The following ZNF638 variants were observed in gnomAD, a reference collection of about 807,000 sequenced individuals.
ZNF638 encodes CTCL tumor antigen se33-1.
A neutral mutation model predicts 195.6 loss-of-function variants in ZNF638; 46 were observed. That is an observed-to-expected ratio of 0.24 (90% CI 0.19 to 0.30). ZNF638 has a LOEUF of 0.30. ZNF638 is among the 10% of genes least tolerant of loss of function. The probability of loss-of-function intolerance (pLI) is 1.00; values close to 1 mark genes in which losing one functional copy is unlikely to be tolerated. For missense variants in ZNF638, 2,440 were observed against 2,325.3 expected (o/e 1.05, Z -1.01); for synonymous variants, 845 against 772.0 (o/e 1.09, Z -1.57).
chr2:71,367,957 G>C lies in ZNF638; in HGVS notation c.1996-425G>C, dbSNP rs78467167. The stretch of plus-strand genomic sequence containing the variant: ...ATGAATTTTTAAAAATATTATACCT[G>C]TCTAGAGATCATTTCCAATTATTAG... On this transcript the variant is annotated intron_variant, in intron 6 of 27. Coordinates refer to ENST00000264447, the MANE Select transcript of ZNF638 (RefSeq NM_014497.5). Among the ~76,000 whole-genome samples, 294 of 152,192 alleles carry C rather than the reference G, an allele frequency of 1.9e-3. 7 individuals carry two copies. In the East Asian group the frequency reaches 0.044, roughly 23 times the overall value.
intron 20 of ZNF638, 185 bp downstream of exon 20, chr2:71,408,432 A>G (rs778934132): frequency 8.9e-6 from 6 of 676,120 alleles, no homozygotes; most frequent in Non-Finnish European, 1.4e-5. Context: ...GAATAAAGAA[A>G]TTTTCAACAA....
chr2:71,434,438 C>G (rs57007782), intron 27 of ZNF638, among the ~76,000 whole-genome samples: 5,208 of 152,216 alleles, frequency 0.034, 173 homozygotes, highest in African/African-American at 0.089. Flanking sequence ...ACCACCGCCC[C>G]CAAAGTATTT....
intron 10 of ZNF638, among the ~76,000 whole-genome samples, chr2:71,381,480 CATT>C (rs1393703184): frequency 2.6e-5 from 4 of 152,012 alleles, no homozygotes; most frequent in Non-Finnish European, 4.4e-5. Context: ...AATTAGGTAA[CATT>C]ATGTGAAGAG....
intron 19 of ZNF638, chr2:71,407,407 AG>A: frequency 6.6e-6 from 1 of 152,318 alleles, no homozygotes. Context: ...CAACATTTTA[AG>A]GATTGTTTTC....
In ZNF638 at chr2:71,364,140, C is replaced by T; in HGVS notation, c.1605C>T (p.Ser535=). 6.2e-7 allele frequency: 1 copy of T among 1,614,132 alleles called. No homozygotes were observed. Among genetic ancestry groups the T allele is most frequent in the Non-Finnish European group, 8.5e-7 (1 of 1,180,022 alleles). The change falls in exon 5 of 28, where the codon TCC becomes TCT. Residue 535 remains serine, a synonymous_variant. Transcript: ENST00000264447. The stretch of plus-strand genomic sequence containing the variant: ...ATCGTTTCATTTCTAGATACAGATC[C>T]AGATCCAGATCCCGTTCACCATATC... The part of the protein sequence containing the change: ...ICHRFISRYR[S]RSRSRSPYRI...
At chr2:71,391,596 G>A (rs62145702) in intron 10 of ZNF638, among the ~76,000 whole-genome samples, 32 of 152,178 alleles carry the variant, frequency 2.1e-4, no homozygotes, top group Non-Finnish European at 4.4e-4. Flanking sequence ...AAGTACAGAT[G>A]TCCTCACCTT....
intron 20 of ZNF638, among the ~76,000 whole-genome samples, chr2:71,411,440 ATTTTTTTTATTTATTTTTTAT>A (rs1333164077): frequency 1.6e-5 from 2 of 123,514 alleles, no homozygotes; most frequent in African/African-American, 5.8e-5. Flanking sequence ...TGAGTTTTTT[ATTTTTTTTATTTATTTTTTAT>A]TTTTTATTTT....
chr2:71,426,604 T>A lies in ZNF638; in HGVS notation c.4735T>A (p.Leu1579Ile), dbSNP rs747543570. 2 of 1,614,110 alleles carry A rather than the reference T, an allele frequency of 1.2e-6. No individual in the cohort carries two copies. The highest frequency in any genetic ancestry group is 2.7e-5 in the African/African-American group (2 of 75,038). ...LKNVPFSELN[L>I]KKKKGKTSTP... ...AAATGTTCCTTTCTCTGAACTTAAC[T>A]TAAAGAAGAAAAAGGGGAAAACTTC... The change falls in exon 24 of 28, where the codon TTA (leucine) becomes ATA (isoleucine). Residue 1579 changes from leucine to isoleucine, a missense_variant. Coordinates refer to ENST00000264447, the MANE Select transcript of ZNF638 (RefSeq NM_014497.5).
At chr2:71,386,532 A>G (rs948046913) in intron 10 of ZNF638, among the ~76,000 whole-genome samples, 2 of 152,154 alleles carry the variant, frequency 1.3e-5, no homozygotes, top group Admixed American at 1.3e-4. Context: ...AACCAGTACA[A>G]TGTAATTCAA....
intron 25 of ZNF638, chr2:71,431,054 G>A (rs2080647797): frequency 3.6e-6 from 1 of 274,126 alleles, no homozygotes; most frequent in African/African-American, 2.2e-5. Flanking sequence ...AGTAATGATA[G>A]GACTTGTATT....
chr2:71,375,972 G>C (rs1447188892), intron 8 of ZNF638: 1 of 152,182 alleles, frequency 6.6e-6, no homozygotes, highest in African/African-American at 2.4e-5. Flanking sequence ...TTTTGGAATT[G>C]TTGAGAAGGC....
At chr2:71,374,224 A>G (rs1367811826) in intron 8 of ZNF638, among the ~76,000 whole-genome samples, 4 of 152,196 alleles carry the variant, frequency 2.6e-5, no homozygotes, top group Non-Finnish European at 5.9e-5. Context: ...TAGGATTGGA[A>G]TCAGTATTAT....
intron 17 of ZNF638, among the ~76,000 whole-genome samples, chr2:71,405,391 A>G (rs1029583825): frequency 1.3e-5 from 2 of 152,196 alleles, no homozygotes; most frequent in African/African-American, 4.8e-5. Context: ...TCTTAGGGGA[A>G]TAAGAAGAAT....
Position 71,399,442 on chromosome 2 carries a change from T to C in ZNF638, c.2501-117T>C. The C allele has an allele frequency of 4.7e-6, 3 of 640,522 alleles. No individual in the cohort carries two copies. In the Admixed American group the frequency reaches 8.8e-5, roughly 19 times the overall value. 39.7% of individuals were successfully genotyped at this position (640,522 alleles called of 1,614,324 possible). On this transcript the variant is annotated intron_variant, in intron 12 of 27. Coordinates refer to ENST00000264447, the MANE Select transcript of ZNF638 (RefSeq NM_014497.5). ...TGAAAATAAATAGAAATAATGACTA[T>C]GTGGAAAAGAGCTGCTTTTGTAATA...
intron 6 of ZNF638, among the ~76,000 whole-genome samples, chr2:71,368,027 G>A (rs879414470): frequency 2.0e-5 from 3 of 152,086 alleles, no homozygotes; most frequent in Non-Finnish European, 4.4e-5. Context: ...TTACTTGTTG[G>A]TGGGCCATGT....
At chr2:71,406,096 T>G in intron 18 of ZNF638, 32 bp from the exon 19 acceptor site, 1 of 1,606,074 alleles carries the variant, frequency 6.2e-7, no homozygotes, top group Non-Finnish European at 8.5e-7. Context: ...TCAGCTGTGG[T>G]TTTTTCTGTG....
intron 1 of ZNF638, among the ~76,000 whole-genome samples, chr2:71,336,331 C>T (rs1278898072): frequency 1.4e-5 from 2 of 141,296 alleles, no homozygotes; most frequent in African/African-American, 5.3e-5. Context: ...GATTTGCGCC[C>T]TTGCACTCCA....
intron 10 of ZNF638, among the ~76,000 whole-genome samples, chr2:71,381,821 A>AT (rs2104356936): frequency 6.6e-6 from 1 of 152,162 alleles, no homozygotes; most frequent in African/African-American, 2.4e-5. Context: ...AGTACACTCC[A>AT]TTTTTTCTGG....
chr2:71,360,532 T>C (rs2079091587), intron 3 of ZNF638, among the ~76,000 whole-genome samples: 1 of 152,178 alleles, frequency 6.6e-6, no homozygotes, highest in South Asian at 2.1e-4. Flanking sequence ...ACAGTCTCTT[T>C]TAATCTAGAA....
Sources: gnomAD v4.1 joint callset for allele counts (sites outside exome capture counted in the v4.1 genomes callset) on GRCh38, gnomAD v4.1.1 for gene constraint, MANE v1.5 for transcripts, NCBI Gene and HGNC (gene_info 2026-07-23, HGNC 2026-07-21) for gene names.